The following MYO1E variants were observed in gnomAD, a reference collection of about 807,000 sequenced individuals.
MYO1E encodes the protein myosin IE.
Under a neutral mutation model 151.1 loss-of-function variants are expected in MYO1E, and 68 were observed. The observed-to-expected ratio is 0.45, with a 90% CI of 0.37 to 0.55. The LOEUF (loss-of-function observed/expected upper bound fraction) is 0.55, where lower values mean the gene tolerates loss of function less well. MYO1E is among the 20% of genes least tolerant of loss of function. The pLI is 0.00. For missense variants in MYO1E, 1,363 were observed against 1,389.3 expected (o/e 0.98, Z 0.30); for synonymous variants, 601 against 501.7 (o/e 1.20, Z -2.64).
At chr15:59,236,159 T>C (rs1459333630) in intron 5 of MYO1E, among the ~76,000 whole-genome samples, 4 of 151,838 alleles carry the variant, frequency 2.6e-5, no homozygotes, top group Admixed American at 1.3e-4. Context: ...CTGGCCAACA[T>C]AGTGAAACCC....
chr15:59,337,721 A>G (rs1375884748), intron 1 of MYO1E, among the ~76,000 whole-genome samples: 1 of 152,070 alleles, frequency 6.6e-6, no homozygotes, highest in Non-Finnish European at 1.5e-5. Context: ...AATCCCAGCT[A>G]CTCGGGAGGC....
intron 4 of MYO1E, among the ~76,000 whole-genome samples, chr15:59,241,183 CAAAA>C (rs1310617884): frequency 6.6e-6 from 1 of 152,072 alleles, no homozygotes; most frequent in Non-Finnish European, 1.5e-5. Flanking sequence ...ACATAAGAGG[CAAAA>C]ATTCTGTGGG....
intron 5 of MYO1E, among the ~76,000 whole-genome samples, chr15:59,236,356 A>AG (rs1479839836): frequency 1.5e-5 from 1 of 66,318 alleles, no homozygotes; most frequent in Non-Finnish European, 3.6e-5. Context: ...AAAAAAGAAA[A>AG]AAAAAAAATA....
chr15:59,298,297 T>C (rs1596405969), intron 1 of MYO1E, among the ~76,000 whole-genome samples: 1 of 152,284 alleles, frequency 6.6e-6, no homozygotes, highest in Non-Finnish European at 1.5e-5. Context: ...TCAAGGGCCA[T>C]GGAGTATGTG....
intron 1 of MYO1E, among the ~76,000 whole-genome samples, chr15:59,337,019 C>G (rs1020593104): frequency 8.0e-5 from 9 of 112,860 alleles, no homozygotes; most frequent in Admixed American, 6.9e-4. Context: ...TTGACAACTC[C>G]TAGTTTTAAA....
At chr15:59,338,559 T>C (rs1445439041) in intron 1 of MYO1E, among the ~76,000 whole-genome samples, 1 of 152,220 alleles carries the variant, frequency 6.6e-6, no homozygotes, top group Non-Finnish European at 1.5e-5. Flanking sequence ...TCCTCAGTGC[T>C]GAGCCAGGAC....
At chr15:59,268,245 C>T (rs943298642) in intron 2 of MYO1E, among the ~76,000 whole-genome samples, 5 of 152,312 alleles carry the variant, frequency 3.3e-5, no homozygotes, top group Non-Finnish European at 5.9e-5. Flanking sequence ...ATTTCACAAA[C>T]ATCCATCAAG....
chr15:59,183,964 C>T (rs1223708328), intron 18 of MYO1E, among the ~76,000 whole-genome samples: 1 of 152,170 alleles, frequency 6.6e-6, no homozygotes, highest in African/African-American at 2.4e-5. Flanking sequence ...GTTTGTTTCA[C>T]TTAACATAAT....
At chr15:59,298,168 T>C (rs2080461894) in intron 1 of MYO1E, among the ~76,000 whole-genome samples, 1 of 152,200 alleles carries the variant, frequency 6.6e-6, no homozygotes, top group African/African-American at 2.4e-5. Context: ...TGCGACTATG[T>C]AAATATCCTG....
At chr15:59,197,901 G>A (rs764127991) in intron 16 of MYO1E, among the ~76,000 whole-genome samples, 4 of 152,312 alleles carry the variant, frequency 2.6e-5, no homozygotes, top group Non-Finnish European at 4.4e-5. Context: ...TTGCTCTGTT[G>A]TCCAGGCTGG....
At chr15:59,189,773 C>T (rs548015336) in intron 17 of MYO1E, among the ~76,000 whole-genome samples, 4 of 152,312 alleles carry the variant, frequency 2.6e-5, no homozygotes, top group Admixed American at 6.5e-5. Flanking sequence ...GACGGGGTTT[C>T]GCCATGTTGG....
chr15:59,319,174 G>A (rs1165643581), intron 1 of MYO1E, among the ~76,000 whole-genome samples: 1 of 152,100 alleles, frequency 6.6e-6, no homozygotes, highest in Non-Finnish European at 1.5e-5. Flanking sequence ...AGCCTGGCAT[G>A]GTGACAGGCA....
Position 59,352,357 on chromosome 15 carries a change from G to A in MYO1E, c.3+20141C>T, listed in dbSNP as rs527526404. 1.1e-4 allele frequency among the ~76,000 whole-genome samples: 17 copies of A among 152,296 alleles called. No homozygotes were observed. The East Asian group carries it at 1.5e-3, about 14-fold the overall frequency. ...TCCTCTGGGGAAGTGTCCCTGTGCC[G>A]TAGTGCTTTGCAATCATCTAGAGAC... On this transcript the variant is annotated intron_variant, in intron 1 of 27. Coordinates refer to ENST00000288235, the MANE Select transcript of MYO1E (RefSeq NM_004998.4).
intron 1 of MYO1E, among the ~76,000 whole-genome samples, chr15:59,351,121 G>C (rs112642756): frequency 0.011 from 1,703 of 152,152 alleles, 27 homozygotes; most frequent in African/African-American, 0.036. Flanking sequence ...GGATGGTCTC[G>C]ATCTCCCGAC....
intron 17 of MYO1E, among the ~76,000 whole-genome samples, chr15:59,195,087 T>G (rs1367394209): frequency 6.6e-6 from 1 of 152,206 alleles, no homozygotes; most frequent in African/African-American, 2.4e-5. Flanking sequence ...CTAAGCATTC[T>G]AGGCCACATC....
intron 22 of MYO1E, among the ~76,000 whole-genome samples, chr15:59,163,993 G>A (rs2079551433): frequency 6.6e-6 from 1 of 152,216 alleles, no homozygotes. Flanking sequence ...TGCGGGAACT[G>A]CATGTTTGGA....
chr15:59,300,857 CTTTTTTTTCT>C (rs1454935250), intron 1 of MYO1E, among the ~76,000 whole-genome samples: 1 of 143,944 alleles, frequency 6.9e-6, no homozygotes, highest in African/African-American at 2.7e-5. Context: ...TCTTTTTTTC[CTTTTTTTTCT>C]TTTTTTTTTT....
chr15:59,350,760 G>A lies in MYO1E; in HGVS notation c.3+21738C>T, dbSNP rs1037644049. 2.7e-4 allele frequency among the ~76,000 whole-genome samples: 41 copies of A among 152,236 alleles called. No homozygotes were observed. Among genetic ancestry groups the A allele is most frequent in the African/African-American group, 8.4e-4 (35 of 41,456 alleles). On this transcript the variant is annotated intron_variant, in intron 1 of 27. Coordinates refer to ENST00000288235, the MANE Select transcript of MYO1E (RefSeq NM_004998.4). The surrounding 1 kb of genome is among the most constrained non-coding windows in gnomAD (Gnocchi z 5.0). ...ACAGATAACAATGCAAGATGACATAGTTTAGTCACAAATAAATAACTCTAT... is the reference window on the plus strand; with the variant it reads ...ACAGATAACAATGCAAGATGACATAATTTAGTCACAAATAAATAACTCTAT...
intron 4 of MYO1E, among the ~76,000 whole-genome samples, chr15:59,252,955 G>C (rs911327470): frequency 1.3e-5 from 2 of 152,146 alleles, no homozygotes; most frequent in Non-Finnish European, 2.9e-5. Context: ...ATTCTACGCA[G>C]GAAATATACA....
Sources: allele counts gnomAD v4.1 joint callset (sites outside exome capture counted in the v4.1 genomes callset), GRCh38; gene constraint gnomAD v4.1.1; non-coding constraint Gnocchi (gnomAD v3.1); transcripts MANE v1.5; gene names NCBI Gene and HGNC (gene_info 2026-07-23, HGNC 2026-07-21).